RP1: variants seen among roughly 807,000 people sequenced by gnomAD.
RP1 encodes the protein RP1 axonemal microtubule associated.
Under a neutral mutation model 14.8 loss-of-function variants are expected in RP1, and 16 were observed. That is an observed-to-expected ratio of 1.08 (90% CI 0.73 to 1.65). The LOEUF (loss-of-function observed/expected upper bound fraction) is 1.65. Ranked by LOEUF, RP1 falls within the 40% of genes most tolerant of loss-of-function variation. The pLI, the probability that RP1 is intolerant of heterozygous loss-of-function variation, is 0.00. For missense variants in RP1, 2,631 were observed against 2,535.0 expected, an observed-to-expected ratio of 1.04 and a Z score of -0.81; for synonymous variants, 876 against 883.6, an observed-to-expected ratio of 0.99 and a Z score of 0.15.
chr8:54,715,740 G>A (rs1808388739), intron 15 of RP1, among the ~76,000 whole-genome samples: 2 of 152,164 alleles, frequency 1.3e-5, no homozygotes, highest in African/African-American at 4.8e-5. Flanking sequence ...CAAATTATGA[G>A]ATTAGAAATT....
Position 54,629,183 on chromosome 8 carries a change from A to G in RP1, c.5301A>G (p.Ala1767=). 1.9e-6 allele frequency: 3 copies of G among 1,614,144 alleles called. No homozygotes were observed. The highest frequency in any genetic ancestry group is 2.2e-5 in the East Asian group (1 of 44,868). ...SSENPGMCGN[A]DTTSVDTLLD... ...AAAATCCTGGCATGTGTGGCAATGC[A>G]GACACCACATCAGTGGACACCCTAC... The change falls in exon 4 of 4, where the codon GCA becomes GCG. Residue 1767 remains alanine (A), a synonymous_variant. Transcript: ENST00000220676.
chr8:54,730,661 C>T (rs1465504548), intron 17 of RP1, among the ~76,000 whole-genome samples: 1 of 151,998 alleles, frequency 6.6e-6, no homozygotes, highest in Non-Finnish European at 1.5e-5. Flanking sequence ...CAGACCTTTA[C>T]CTTGATCCTG....
downstream of RP1, among the ~76,000 whole-genome samples, chr8:54,774,229 A>G (rs1809980861): frequency 6.6e-6 from 1 of 152,060 alleles, no homozygotes; most frequent in South Asian, 2.1e-4. Flanking sequence ...TGTCAGCCTC[A>G]TTTCCTCCAC....
chr8:54,630,468 C>A lies in RP1; in HGVS notation c.*115C>A. On this transcript the variant is annotated 3_prime_UTR_variant, in exon 4 of 4. Transcript: ENST00000220676. ...GAATTTTCCACTTCTTCAAAATGAACTTACTCTAGAAAGCTTACCCTTGGA... is the reference window on the plus strand; with the variant it reads ...GAATTTTCCACTTCTTCAAAATGAAATTACTCTAGAAAGCTTACCCTTGGA... 1 of 1,523,160 alleles carries A rather than the reference C, an allele frequency of 6.6e-7. No homozygotes were observed. Among genetic ancestry groups the A allele is most frequent in the Non-Finnish European group, 8.8e-7 (1 of 1,137,914 alleles). 94.4% of individuals were successfully genotyped at this position (1,523,160 alleles called of 1,614,324 possible). A position where few individuals can be genotyped will look rare whatever the true frequency, so the allele number is the denominator to read the frequency against.
At chr8:54,724,602 A>G (rs1306102843) in intron 16 of RP1, among the ~76,000 whole-genome samples, 1 of 152,112 alleles carries the variant, frequency 6.6e-6, no homozygotes, top group Non-Finnish European at 1.5e-5. Flanking sequence ...TGTAAAAGTC[A>G]GACAAAGGGC....
At chr8:54,601,495 C>A (rs142905156) in intron 1 of RP1, among the ~76,000 whole-genome samples, 10 of 149,956 alleles carry the variant, frequency 6.7e-5, no homozygotes, top group African/African-American at 2.2e-4. Context: ...GTGGGTGCAG[C>A]GCACCAGCAT....
chr8:54,629,241 C>T lies in RP1; in HGVS notation c.5359C>T (p.His1787Tyr). 1 of 1,614,032 alleles carries T rather than the reference C, an allele frequency of 6.2e-7. No homozygotes were observed. The highest frequency in any genetic ancestry group is 8.5e-7 in the Non-Finnish European group (1 of 1,179,946). The change falls in exon 4 of 4, where the codon CAT becomes TAT. Residue 1787 changes from histidine to tyrosine, a missense_variant. His to Tyr is a moderately conservative substitution (Grantham distance 83). Coordinates refer to ENST00000220676, the MANE Select transcript of RP1 (RefSeq NM_006269.2). ...TAACAGCAGTGAGGTACCATATTCA[C>T]ATTTTGGTAATTTGGCCCCAGGCCC... The part of the protein sequence containing the change: ...DNNSSEVPYS[H>Y]FGNLAPGPTM...
chr8:54,564,144 G>C (rs545284457), intron 1 of RP1, among the ~76,000 whole-genome samples: 1 of 152,320 alleles, frequency 6.6e-6, no homozygotes, highest in South Asian at 2.1e-4. Context: ...ACAGTGGACA[G>C]ATGCCATTAC....
intron 1 of RP1, among the ~76,000 whole-genome samples, chr8:54,565,362 C>T (rs900283656): frequency 6.6e-6 from 1 of 152,144 alleles, no homozygotes; most frequent in Non-Finnish European, 1.5e-5. Flanking sequence ...GTCAGGAGTT[C>T]GAGACCAGCC....
chr8:54,831,401 C>CTTTTTT, intron 24 of RP1, among the ~76,000 whole-genome samples: 1 of 102,744 alleles, frequency 9.7e-6, no homozygotes, highest in Non-Finnish European at 1.9e-5. Context: ...CCTATTGTTT[C>CTTTTTT]TTTTTTTTTT....
intron 1 of RP1, among the ~76,000 whole-genome samples, chr8:54,600,525 C>A (rs551925379): frequency 3.8e-4 from 58 of 152,076 alleles, no homozygotes; most frequent in Non-Finnish European, 7.2e-4. Context: ...TCTTCTGATA[C>A]GAATAAGAGG....
intron 1 of RP1, among the ~76,000 whole-genome samples, chr8:54,610,182 A>G (rs954545738): frequency 2.0e-5 from 3 of 152,152 alleles, no homozygotes; most frequent in African/African-American, 7.2e-5. Context: ...CTCTTACTTG[A>G]TGTATGAGTA....
intron 27 of RP1, among the ~76,000 whole-genome samples, chr8:54,862,422 A>G (rs1016920137): frequency 6.6e-6 from 1 of 152,158 alleles, no homozygotes; most frequent in African/African-American, 2.4e-5. Flanking sequence ...AACAGTGAGC[A>G]TTCTTTCTTC....
intron 8 of RP1, among the ~76,000 whole-genome samples, chr8:54,675,444 T>C (rs1807272552): frequency 6.6e-6 from 1 of 152,152 alleles, no homozygotes; most frequent in African/African-American, 2.4e-5. Flanking sequence ...TCTCAGATTT[T>C]GGTAGGTTAG....
chr8:54,800,242 T>G lies in RP1; in HGVS notation c.3615+16532T>G, dbSNP rs199584466. On this transcript the variant is annotated intron_variant, in intron 24 of 28. Coordinates refer to the RP1 transcript ENST00000637698. ...CTTCCCTCTATTTATAATGTATCTTTTTGTCTAGCCACCTTCAAGATTTTC... is the reference window on the plus strand; with the variant it reads ...CTTCCCTCTATTTATAATGTATCTTGTTGTCTAGCCACCTTCAAGATTTTC... Among the ~76,000 whole-genome samples, 27 of 152,226 alleles carry G rather than the reference T, an allele frequency of 1.8e-4. No homozygotes were observed. The East Asian group carries it at 5.2e-3, about 29-fold the overall frequency.
chr8:54,779,090 G>A (rs192772877), intron 23 of RP1, among the ~76,000 whole-genome samples: 12 of 152,090 alleles, frequency 7.9e-5, no homozygotes, highest in Admixed American at 7.9e-4. Flanking sequence ...CACAACCCTC[G>A]ACTTCTCCGC....
At chr8:54,677,717 C>T (rs1332432431) in intron 8 of RP1, among the ~76,000 whole-genome samples, 2 of 151,852 alleles carry the variant, frequency 1.3e-5, no homozygotes, top group African/African-American at 2.4e-5. Flanking sequence ...ACAGAGTGAG[C>T]CTCTGTCTCT....
chr8:54,703,427 T>A, intron 14 of RP1, among the ~76,000 whole-genome samples: 1 of 152,204 alleles, frequency 6.6e-6, no homozygotes, highest in Admixed American at 6.5e-5. Context: ...TTCTGAGCAG[T>A]AGGTCTCAAC....
chr8:54,691,281 A>T (rs1349597963), intron 12 of RP1, among the ~76,000 whole-genome samples: 1 of 152,094 alleles, frequency 6.6e-6, no homozygotes, highest in African/African-American at 2.4e-5. Context: ...CTAGCAAGCA[A>T]AATTGGCAGG....
Sources: gnomAD v4.1 joint callset for allele counts (sites outside exome capture counted in the v4.1 genomes callset) on GRCh38, gnomAD v4.1.1 for gene constraint, MANE v1.5 for transcripts, NCBI Gene and HGNC (gene_info 2026-07-23, HGNC 2026-07-21) for gene names.